NXN: variants seen among roughly 807,000 people sequenced by gnomAD.
NXN encodes nucleoredoxin 1.
Under a neutral mutation model 48.6 loss-of-function variants are expected in NXN, and 16 were observed. The observed-to-expected ratio is 0.33, with a 90% CI of 0.22 to 0.50. The LOEUF is 0.50. Ranked by LOEUF, NXN falls within the 20% of genes least tolerant of loss-of-function variation. NXN has a pLI of 0.98. For missense variants in NXN, 492 were observed against 605.5 expected (o/e 0.81, Z 1.97); for synonymous variants, 281 against 269.6 (o/e 1.04, Z -0.41).
chr17:884,081 C>T (rs1288442818), intron 1 of NXN, among the ~76,000 whole-genome samples: 1 of 151,972 alleles, frequency 6.6e-6, no homozygotes, highest in Non-Finnish European at 1.5e-5. Context: ...GTTAGCCGGG[C>T]GTGGTGGTGG....
chr17:812,125 C>T (rs1470898750), intron 5 of NXN, among the ~76,000 whole-genome samples: 2 of 150,474 alleles, frequency 1.3e-5, no homozygotes, highest in Non-Finnish European at 3.0e-5. Flanking sequence ...GACGGGGTTT[C>T]ACCGTGTTAG....
intron 5 of NXN, among the ~76,000 whole-genome samples, chr17:812,667 T>TGA (rs1912158071): frequency 3.3e-5 from 5 of 151,204 alleles, no homozygotes; most frequent in Non-Finnish European, 4.4e-5. Flanking sequence ...ACTGTAGGTG[T>TGA]GTGTGAGTGT....
At chr17:883,794 C>T (rs533850720) in intron 1 of NXN, among the ~76,000 whole-genome samples, 5 of 152,308 alleles carry the variant, frequency 3.3e-5, no homozygotes, top group African/African-American at 1.2e-4. Context: ...AGTTGCAGGC[C>T]CAGGTGCGGT....
At chr17:805,023 C>CCCCCCCCCCCCCCCCCCCCCCCCCCCA in intron 6 of NXN, 45 bp downstream of exon 6, 1 of 1,505,618 alleles carries the variant, frequency 6.6e-7, no homozygotes, top group Non-Finnish European at 9.0e-7. Context: ...CCTCCTGTCC[C>CCCCCCCCCCCCCCCCCCCCCCCCCCCA]GCCCCCCAGC....
Position 979,327 on chromosome 17 carries a change from G to A in NXN, c.352C>T (p.His118Tyr). 3 of 1,530,726 alleles carry A rather than the reference G, an allele frequency of 2.0e-6. No homozygotes were observed. The highest frequency in any genetic ancestry group is 3.6e-5 in the Admixed American group (2 of 55,080). 94.8% of individuals were successfully genotyped at this position (1,530,726 alleles called of 1,614,324 possible). A position where few individuals can be genotyped will look rare whatever the true frequency, so the allele number is the denominator to read the frequency against. Residue 118 changes from histidine to tyrosine, a missense_variant, in exon 1 of 8, where the codon CAC becomes TAC. Coordinates refer to ENST00000336868, the MANE Select transcript of NXN (RefSeq NM_022463.5). ...PWLALPYKEKHRKLKLWNKYR... is the reference protein window; with the variant it reads ...PWLALPYKEKYRKLKLWNKYR... ...AGGCCCGCGCCGCTCACCTTCCTGTGCTTCTCCTTGTAGGGCAGCGCCAGC... is the reference window on the plus strand; with the variant it reads ...AGGCCCGCGCCGCTCACCTTCCTGTACTTCTCCTTGTAGGGCAGCGCCAGC...
intron 1 of NXN, among the ~76,000 whole-genome samples, chr17:957,545 C>T (rs572650451): frequency 1.1e-4 from 16 of 151,518 alleles, no homozygotes; most frequent in Middle Eastern, 3.4e-3. Context: ...GGCAGGAGAA[C>T]TGCTTGAACA....
At chr17:897,596 C>T (rs1440198120) in intron 1 of NXN, among the ~76,000 whole-genome samples, 6 of 152,186 alleles carry the variant, frequency 3.9e-5, no homozygotes, top group Non-Finnish European at 5.9e-5. Flanking sequence ...CACAATGCCC[C>T]GTCCTAGGGC....
At chr17:907,342 ATTT>A (rs3062164) in intron 1 of NXN, among the ~76,000 whole-genome samples, 143 of 145,690 alleles carry the variant, frequency 9.8e-4, no homozygotes, top group Admixed American at 1.6e-3. Flanking sequence ...CTCAATACCT[ATTT>A]TTTTTTTTTT....
chr17:962,195 T>C (rs2069245892), intron 1 of NXN, among the ~76,000 whole-genome samples: 1 of 152,070 alleles, frequency 6.6e-6, no homozygotes. Flanking sequence ...TAATAGTAGG[T>C]GAGAAGACTT....
intron 1 of NXN, among the ~76,000 whole-genome samples, chr17:877,461 A>G (rs916669413): frequency 2.5e-4 from 38 of 152,174 alleles, no homozygotes; most frequent in Admixed American, 3.9e-4. Flanking sequence ...TGTGTTTTTC[A>G]AACAGCTGCA....
At chr17:803,214 C>T (rs933104679) in intron 7 of NXN, among the ~76,000 whole-genome samples, 2 of 152,190 alleles carry the variant, frequency 1.3e-5, no homozygotes, top group African/African-American at 4.8e-5. Context: ...CGGGGAGCGG[C>T]AGCAATTTCC....
intron 1 of NXN, among the ~76,000 whole-genome samples, chr17:833,347 T>C (rs1913603357): frequency 1.3e-5 from 2 of 152,084 alleles, no homozygotes; most frequent in South Asian, 4.1e-4. Flanking sequence ...GGAGTCACCA[T>C]TCCGAAAAAC....
At position 876,895 on chromosome 17, in the gene NXN, A is replaced by G. The variant is rs151174918; in HGVS notation, c.361-50817T>C. On this transcript the variant is annotated intron_variant, in intron 1 of 7. Transcript: ENST00000336868. Reference sequence around the variant, plus strand: ...AACCCCGTCTCTACTAAAAACACAAAAAATTAGCCGGGTATGGTGGCGGTC... The same window carrying G: ...AACCCCGTCTCTACTAAAAACACAAGAAATTAGCCGGGTATGGTGGCGGTC... Among the ~76,000 whole-genome samples the G allele has an allele frequency of 3.8e-3, 584 of 152,060 alleles. 6 individuals carry two copies. The highest frequency in any genetic ancestry group is 0.013 in the African/African-American group (556 of 41,506).
rs151279801 is a variant in NXN at position 913,410 on chromosome 17, C to T, written c.360+65909G>A. On this transcript the variant is annotated intron_variant, in intron 1 of 7. Transcript: ENST00000336868. ...GTCTGGGAACCCTTTTTGCCTCTAG[C>T]GCTGGCTTAGCTGTTTCAACACAGA... Among the ~76,000 whole-genome samples the T allele has an allele frequency of 1.2e-3, 177 of 152,218 alleles. 1 individual carries two copies. The East Asian group carries it at 0.019, about 16-fold the overall frequency.
rs193293802 is a variant in NXN at position 966,310 on chromosome 17, C to A, written c.360+13009G>T. On this transcript the variant is annotated intron_variant, in intron 1 of 7. Coordinates refer to ENST00000336868, the MANE Select transcript of NXN (RefSeq NM_022463.5). ...CATTATGAGATTTTTTTGCTATTTG[C>A]TTTTTTTTTAGCTCATCAGCTATCA... 2.5e-4 allele frequency among the ~76,000 whole-genome samples: 37 copies of A among 150,170 alleles called. 1 individual carries two copies. In the South Asian group the frequency reaches 7.9e-3, roughly 32 times the overall value.
At chr17:915,872 G>C (rs2068683770) in intron 1 of NXN, among the ~76,000 whole-genome samples, 2 of 151,990 alleles carry the variant, frequency 1.3e-5, no homozygotes, top group Non-Finnish European at 2.9e-5. Context: ...TATGGTGTCA[G>C]AGCTGGAACT....
At chr17:801,169 TAAAG>T (rs906697389) in intron 7 of NXN, 38 bp from the exon 8 acceptor site, 6 of 1,466,456 alleles carry the variant, frequency 4.1e-6, no homozygotes, top group Non-Finnish European at 5.4e-6. Context: ...CAAGAAGTTT[TAAAG>T]AAAGGAGGGG....
intron 1 of NXN, among the ~76,000 whole-genome samples, chr17:966,551 T>G (rs1475859384): frequency 1.3e-5 from 2 of 151,930 alleles, no homozygotes; most frequent in African/African-American, 2.4e-5. Flanking sequence ...TTCTCCATGT[T>G]GGTCAGGCTG....
At chr17:952,238 T>G (rs1489641692) in intron 1 of NXN, among the ~76,000 whole-genome samples, 18 of 41,090 alleles carry the variant, frequency 4.4e-4, no homozygotes, top group African/African-American at 2.3e-3. Context: ...GGTCACACTG[T>G]GGGGGGGCTG....
Sources: allele counts gnomAD v4.1 joint callset (sites outside exome capture counted in the v4.1 genomes callset), GRCh38; gene constraint gnomAD v4.1.1; transcripts MANE v1.5; gene names NCBI Gene and HGNC (gene_info 2026-07-23, HGNC 2026-07-21).